The following CCDC188 variants were observed in gnomAD, a reference collection of about 807,000 sequenced individuals.
The protein encoded by CCDC188 is coiled-coil domain containing 188, also known as coiled-coil domain-containing protein 188.
CCDC188 carries 37 observed loss-of-function variants against 50.7 expected under a neutral mutation model. The observed-to-expected ratio is 0.73, with a 90% CI of 0.56 to 0.96. CCDC188 has a LOEUF of 0.96. Among genes scored for constraint, CCDC188 ranks in the 40% least tolerant of loss-of-function variants. The probability of loss-of-function intolerance (pLI) is 0.00; values close to 1 mark genes in which losing one functional copy is unlikely to be tolerated. For missense variants in CCDC188, 453 were observed against 512.9 expected (o/e 0.88, Z 1.13); for synonymous variants, 208 against 228.0 (o/e 0.91, Z 0.79).
At chr22:20,149,122 C>T (rs1018434749) in intron 7 of CCDC188, 65 bp downstream of exon 7, 29 of 1,359,520 alleles carry the variant, frequency 2.1e-5, no homozygotes, top group African/African-American at 4.4e-5. Flanking sequence ...TTCTCCCTCT[C>T]GCCCAAGCAG....
In CCDC188 at chr22:20,148,789, A is replaced by G; in HGVS notation, c.1034T>C (p.Leu345Pro). The G allele has an allele frequency of 1.4e-6, 2 of 1,465,824 alleles. No individual in the cohort carries two copies. The highest frequency in any genetic ancestry group is 1.4e-5 in the South Asian group (1 of 73,196). The allele number at this position is 1,465,824 out of a possible 1,614,324, so 90.8% of individuals were successfully genotyped here. The stretch of plus-strand genomic sequence containing the variant: ...CAGCAGGGCGCCCAGCAGCAGCCTC[A>G]GGGTCAGCAGCCTGCGGGCGGCGGT... ...GLAGQLWLLT[L>P]RLLLGALLVW... The change falls in exon 9 of 9, where the codon CTG becomes CCG. Residue 345 changes from leucine to proline, a missense_variant. Physicochemically the swap from Leu to Pro is moderately conservative, Grantham distance 98 (BLOSUM62 -3). Coordinates refer to ENST00000439765, the MANE Select transcript of CCDC188 (RefSeq NM_001365892.2).
At chr22:20,150,108 G>T (rs1390446525) in intron 2 of CCDC188, 35 bp downstream of exon 2, 1 of 1,539,858 alleles carries the variant, frequency 6.5e-7, no homozygotes, top group Middle Eastern at 1.7e-4. Flanking sequence ...CTAGAGGGGC[G>T]TTGGCTGCAT....
intron 1 of CCDC188, 51 bp from the exon 2 acceptor site, chr22:20,150,301 G>A: frequency 3.0e-6 from 4 of 1,344,328 alleles, no homozygotes; most frequent in Non-Finnish European, 4.1e-6. Flanking sequence ...CGCTCCTGCG[G>A]CTGGGGCTGG....
At chr22:20,149,504 A>G in intron 5 of CCDC188, 28 bp from the exon 6 acceptor site, 1 of 1,549,882 alleles carries the variant, frequency 6.5e-7, no homozygotes, top group Non-Finnish European at 8.7e-7. Flanking sequence ...TAAGCACAGC[A>G]GGCCCCTCGC....
chr22:20,149,728 G>A lies in CCDC188; in HGVS notation c.785C>T (p.Thr262Ile), dbSNP rs1320654732. 12 of 1,534,288 alleles carry A rather than the reference G, an allele frequency of 7.8e-6. No homozygotes were observed. The South Asian group carries it at 1.1e-4, about 14-fold the overall frequency. Residue 262 changes from threonine (T) to isoleucine (I), a missense_variant, in exon 4 of 9, where the codon ACA (threonine) becomes ATA (isoleucine). Physicochemically the swap from Thr to Ile is moderately conservative, Grantham distance 89 (BLOSUM62 -1). Transcript: ENST00000439765. Reference protein sequence around the residue: ...LCFERKKMVITEVWDNVAEMH... With the variant: ...LCFERKKMVIIEVWDNVAEMH... ...CCCCCTCAGCCAGGCGGGCACCTCTGTGATGACCATCTTCTTCCTCTCAAA... is the reference window on the plus strand; with the variant it reads ...CCCCCTCAGCCAGGCGGGCACCTCTATGATGACCATCTTCTTCCTCTCAAA...
In CCDC188 at chr22:20,149,256, T is replaced by G; in HGVS notation, c.915-12A>C. On this transcript the variant is annotated splice_polypyrimidine_tract_variant and intron_variant, in intron 6 of 8. Transcript: ENST00000439765. ...ACTGGGCCCGCTCCCTGCGGGGGCC[T>G]CACTGTCAGGACCCCACACCCTCCA... The G allele has an allele frequency of 6.7e-7, 1 of 1,502,900 alleles. No homozygotes were observed. Among genetic ancestry groups the G allele is most frequent in the South Asian group, 1.3e-5 (1 of 76,400 alleles). 93.1% of individuals were successfully genotyped at this position (1,502,900 alleles called of 1,614,324 possible).
rs1346361807 is a variant in CCDC188 at position 20,150,364 on chromosome 22, A to T, written c.519+104T>A. Reference sequence around the variant, plus strand: ...GTGGGGCTGGGGCTGGGGCAGGGGCAGGGGCAGGGGCGCCAGGTGGTGGGT... The same window carrying T: ...GTGGGGCTGGGGCTGGGGCAGGGGCTGGGGCAGGGGCGCCAGGTGGTGGGT... On this transcript the variant is annotated intron_variant, in intron 1 of 8. Transcript: ENST00000439765. The T allele has an allele frequency of 8.9e-6, 7 of 789,764 alleles. No individual in the cohort carries two copies. The South Asian group carries it at 1.1e-4, about 13-fold the overall frequency. 48.9% of individuals were successfully genotyped at this position (789,764 alleles called of 1,614,324 possible).
rs2148020452 is a variant in CCDC188 at position 20,150,976 on chromosome 22, A to G, written c.11T>C (p.Leu4Pro). Residue 4 changes from leucine (L) to proline (P), a missense_variant, in exon 1 of 9, where the codon CTG becomes CCG. Coordinates refer to ENST00000439765, the MANE Select transcript of CCDC188 (RefSeq NM_001365892.2). ...GTGGCCGCAGGGGCCCAGGGTTTTCAGCCCCTCCATCCCTCCCTGCAACCC... is the reference window on the plus strand; with the variant it reads ...GTGGCCGCAGGGGCCCAGGGTTTTCGGCCCCTCCATCCCTCCCTGCAACCC... MEG[L>P]KTLGPCGHPH... 2.9e-6 allele frequency: 4 copies of G among 1,401,744 alleles called. No homozygotes were observed. Among genetic ancestry groups the G allele is most frequent in the Non-Finnish European group, 3.7e-6 (4 of 1,072,294 alleles). The allele number at this position is 1,401,744 out of a possible 1,614,324, so 86.8% of individuals were successfully genotyped here.
At position 20,150,055 on chromosome 22, in the gene CCDC188, G is replaced by T; in HGVS notation, c.632C>A (p.Pro211His). 6.5e-7 allele frequency: 1 copy of T among 1,546,996 alleles called. No individual in the cohort carries two copies. Among genetic ancestry groups the T allele is most frequent in the Middle Eastern group, 2.0e-4 (1 of 4,982 alleles). The change falls in exon 3 of 9, where the codon CCC (proline) becomes CAC (histidine). Residue 211 changes from proline (P) to histidine (H), a missense_variant. Transcript: ENST00000439765. The part of the protein sequence containing the change: ...HSSCTALAWP[P>H]DPAGTQPLGN... ...CAAGGGCTGCGTGCCAGCCGGGTCG[G>T]GGGGCTGTGGGAGAGCCCCCAGATC...
Position 20,149,648 on chromosome 22 carries a change from G to A in CCDC188, c.790-8C>T, listed in dbSNP as rs559185338. 24 of 1,549,920 alleles carry A rather than the reference G, an allele frequency of 1.5e-5. No individual in the cohort carries two copies. In the African/African-American group the frequency reaches 2.2e-4, roughly 14 times the overall value. ...AGCCACGTTGTCCCACACCTAGGGG[G>A]AGGTGGGGTCACGCCTGAGGAGCAG... On this transcript the variant is annotated splice_polypyrimidine_tract_variant and splice_region_variant and intron_variant, in intron 4 of 8. Coordinates refer to ENST00000439765, the MANE Select transcript of CCDC188 (RefSeq NM_001365892.2).
chr22:20,150,659 C>T lies in CCDC188; in HGVS notation c.328G>A (p.Gly110Arg), dbSNP rs560806605. The T allele has an allele frequency of 7.8e-6, 12 of 1,547,366 alleles. No homozygotes were observed. The Admixed American group carries it at 1.4e-4, about 18-fold the overall frequency. Reference protein sequence around the residue: ...GLGWGWPLHPGSNQGAPRQGG... With the variant: ...GLGWGWPLHPRSNQGAPRQGG... ...TGCCTGGGAGCCCCCTGGTTCGACC[C>T]TGGGTGCAGGGGCCAGCCCCACCCA... The change falls in exon 1 of 9, where the codon GGG (glycine) becomes AGG (arginine). Residue 110 changes from glycine to arginine, a missense_variant. Coordinates refer to ENST00000439765, the MANE Select transcript of CCDC188 (RefSeq NM_001365892.2).
rs2050611046 is a variant in CCDC188, at chr22:20,150,697, A to G, written c.290T>C (p.Leu97Pro). ...CCAGCCCCACCCAAGCCCTGCCTCC[A>G]GGTCTCCTTGTCTCGGCCCCTCAGT... ...RDTEGPRQGD[L>P]EAGLGWGWPL... The change falls in exon 1 of 9, where the codon CTG (leucine) becomes CCG (proline). Residue 97 changes from leucine (L) to proline (P), a missense_variant. Leu to Pro is a moderately conservative substitution (Grantham distance 98, BLOSUM62 -3). Coordinates refer to ENST00000439765, the MANE Select transcript of CCDC188 (RefSeq NM_001365892.2). 6.5e-7 allele frequency: 1 copy of G among 1,549,916 alleles called. No homozygotes were observed. Among genetic ancestry groups the G allele is most frequent in the Non-Finnish European group, 8.7e-7 (1 of 1,146,702 alleles).
chr22:20,150,571 C>T lies in CCDC188; in HGVS notation c.416G>A (p.Gly139Glu), dbSNP rs926126030. Reference protein sequence around the residue: ...CPCPPLSREGGALASPRVALS... With the variant: ...CPCPPLSREGEALASPRVALS... ...GGCTACCCTGGGCGAGGCCAGGGCC[C>T]CTCCCTCCCGTGACAGGGGTGGGCA... is the stretch of plus-strand genomic sequence containing the variant. The change falls in exon 1 of 9, where the codon GGG becomes GAG. Residue 139 changes from glycine (G) to glutamate (E), a missense_variant. Transcript: ENST00000439765. 28 of 1,547,124 alleles carry T rather than the reference C, an allele frequency of 1.8e-5. No homozygotes were observed. In the Admixed American group the frequency reaches 3.9e-4, roughly 22 times the overall value.
At position 20,150,003 on chromosome 22, in the gene CCDC188, C is replaced by T. The variant is rs2050596145; in HGVS notation, c.684G>A (p.Leu228=). The T allele has an allele frequency of 1.3e-6, 2 of 1,548,412 alleles. No individual in the cohort carries two copies. The highest frequency in any genetic ancestry group is 1.7e-6 in the Non-Finnish European group (2 of 1,146,746). The change falls in exon 3 of 9, where the codon CTG becomes CTA. Residue 228 remains leucine (L), a synonymous_variant. Coordinates refer to ENST00000439765, the MANE Select transcript of CCDC188 (RefSeq NM_001365892.2). ...PLGNRAPLQL[L]RRELCQGQEA... is the part of the protein sequence containing the mutation. ...CTTGCCCCTGGCACAGCTCCCGCCG[C>T]AGCAGCTGCAGAGGTGCCCTGTTCC...
At chr22:20,150,297 TGC>T in intron 1 of CCDC188, 47 bp from the exon 2 acceptor site, 1 of 1,064,230 alleles carries the variant, frequency 9.4e-7, no homozygotes, top group African/African-American at 1.7e-5. Flanking sequence ...TGGCCGCTCC[TGC>T]GGCTGGGGCT....
At chr22:20,149,159 G>A in intron 7 of CCDC188, 28 bp downstream of exon 7, 1 of 1,451,136 alleles carries the variant, frequency 6.9e-7, no homozygotes, top group Middle Eastern at 1.8e-4. Flanking sequence ...CTGGTCTCCA[G>A]ACCCAGAGTG....
At position 20,148,727 on chromosome 22, in the gene CCDC188, T is replaced by A. The variant is rs1353177713; in HGVS notation, c.1096A>T (p.Thr366Ser). Residue 366 changes from threonine (T) to serine (S), a missense_variant, in exon 9 of 9, where the codon ACA (threonine) becomes TCA (serine). Thr to Ser is a moderately conservative substitution (Grantham distance 58, BLOSUM62 1). Transcript: ENST00000439765. ...TAAYVYVVNP[T>S]PFEGLVPPLL... ...GGTGGCACCAGCCCCTCGAAAGGTG[T>A]GGGGTTCACCACGTACACGTAGGCA... is the stretch of plus-strand genomic sequence containing the variant. The A allele has an allele frequency of 6.6e-7, 1 of 1,526,154 alleles. No homozygotes were observed. Among genetic ancestry groups the A allele is most frequent in the South Asian group, 1.2e-5 (1 of 81,352 alleles). 94.5% of individuals were successfully genotyped at this position (1,526,154 alleles called of 1,614,324 possible).
In CCDC188 at chr22:20,150,588, G is replaced by T; in HGVS notation, c.399C>A (p.Pro133=). The change falls in exon 1 of 9, where the codon CCC becomes CCA. Residue 133 remains proline (P), a synonymous_variant. Coordinates refer to ENST00000439765, the MANE Select transcript of CCDC188 (RefSeq NM_001365892.2). ...GSGTRPCPCP[P]LSREGGALAS... ...CCAGGGCCCCTCCCTCCCGTGACAG[G>T]GGTGGGCATGGGCAGGGTCTGGTCC... is the stretch of plus-strand genomic sequence containing the variant. The T allele has an allele frequency of 6.5e-7, 1 of 1,546,830 alleles. No individual in the cohort carries two copies. The highest frequency in any genetic ancestry group is 1.2e-5 in the South Asian group (1 of 83,842).
At chr22:20,150,369 CA>C (rs1306213023) in intron 1 of CCDC188, 98 bp downstream of exon 1, 1 of 1,037,500 alleles carries the variant, frequency 9.6e-7, no homozygotes, top group African/African-American at 1.9e-5. Context: ...GGGGCAGGGG[CA>C]GGGGCGCCAG....
Sources: gnomAD v4.1 joint callset for allele counts on GRCh38, gnomAD v4.1.1 for gene constraint, MANE v1.5 for transcripts, NCBI Gene and HGNC (gene_info 2026-07-23, HGNC 2026-07-21) for gene names.